PCDHGA7: variants seen among roughly 807,000 people sequenced by gnomAD.
PCDHGA7 encodes the protein protocadherin gamma subfamily A, 7.
In PCDHGA7, 44 loss-of-function variants were observed where a neutral mutation model predicts 58.3. The ratio of observed to expected loss-of-function variants is 0.75; its 90% CI spans 0.59 to 0.97. The LOEUF is 0.97. PCDHGA7 is among the 50% of genes least tolerant of loss of function. The pLI is 0.00. For synonymous variants in PCDHGA7, 516 were observed against 504.2 expected, an observed-to-expected ratio of 1.02 and a Z score of -0.31; for missense variants, 1,266 against 1,188.7, an observed-to-expected ratio of 1.06 and a Z score of -0.96.
In PCDHGA7 at chr5:141,487,161, T is replaced by G; in HGVS notation, c.2425-7646T>G. ...CTCTCTACCTCTGTTACTCTCTTAGTGTCCTTAGAGGAAGACACTCATCCA... is the reference window on the plus strand; with the variant it reads ...CTCTCTACCTCTGTTACTCTCTTAGGGTCCTTAGAGGAAGACACTCATCCA... On this transcript the variant is annotated intron_variant, in intron 1 of 3. Transcript: ENST00000518325. The surrounding 1 kb of genome is among the most constrained non-coding windows in gnomAD (Gnocchi z 5.0). The G allele has an allele frequency of 6.2e-7, 1 of 1,613,528 alleles. No individual in the cohort carries two copies. The highest frequency in any genetic ancestry group is 1.1e-5 in the South Asian group (1 of 91,072).
At chr5:141,414,790 A>G (rs1190584746) in intron 1 of PCDHGA7, 1 of 1,614,226 alleles carries the variant, frequency 6.2e-7, no homozygotes, top group South Asian at 1.1e-5. Context: ...GGTGACAGCC[A>G]GCGACAGCGG....
rs200064261 is a variant in PCDHGA7, at chr5:141,487,515, G to A, written c.2425-7292G>A. 3.7e-5 allele frequency: 59 copies of A among 1,614,018 alleles called. No homozygotes were observed. The highest frequency in any genetic ancestry group is 8.8e-5 in the South Asian group (8 of 91,086). On this transcript the variant is annotated intron_variant, in intron 1 of 3. Coordinates refer to ENST00000518325, the MANE Select transcript of PCDHGA7 (RefSeq NM_018920.4). The surrounding 1 kb of genome is among the most constrained non-coding windows in gnomAD (Gnocchi z 5.0). Reference sequence around the variant, plus strand: ...ACACCCTTGGCTTCTGCACCCACTCGGAGTGATAGCTTCATGATGGTGAAG... The same window carrying A: ...ACACCCTTGGCTTCTGCACCCACTCAGAGTGATAGCTTCATGATGGTGAAG...
At chr5:141,413,117 C>T (rs902301902) in intron 1 of PCDHGA7, 42 of 1,509,002 alleles carry the variant, frequency 2.8e-5, no homozygotes, top group Non-Finnish European at 3.6e-5. Flanking sequence ...ACAAAGGAAC[C>T]GGTTGAAACA....
intron 1 of PCDHGA7, chr5:141,478,480 G>C (rs1444434721): frequency 1.9e-6 from 3 of 1,613,564 alleles, no homozygotes; most frequent in South Asian, 2.2e-5. Flanking sequence ...GCCAGAACAC[G>C]CTGCGGAGCT....
intron 1 of PCDHGA7, among the ~76,000 whole-genome samples, chr5:141,455,407 A>T (rs1273781307): frequency 1.3e-5 from 2 of 152,174 alleles, no homozygotes; most frequent in Non-Finnish European, 2.9e-5. Context: ...TTACAGAGAC[A>T]GAGGGAGCGG....
chr5:141,392,804 CA>C (rs1345839746), intron 1 of PCDHGA7: 1 of 1,573,894 alleles, frequency 6.4e-7, no homozygotes, highest in African/African-American at 1.4e-5. Flanking sequence ...GATTCTGCAG[CA>C]AAACAACAAT....
intron 3 of PCDHGA7, among the ~76,000 whole-genome samples, chr5:141,505,926 G>T (rs114056147): frequency 6.6e-6 from 1 of 152,146 alleles, no homozygotes; most frequent in African/African-American, 2.4e-5. Flanking sequence ...TGGGCCTGGC[G>T]CTTGGAAGCC....
At chr5:141,494,776 C>T in intron 1 of PCDHGA7, 31 bp from the exon 2 acceptor site, 1 of 1,614,100 alleles carries the variant, frequency 6.2e-7, no homozygotes, top group East Asian at 2.2e-5. Context: ...CTCACGGGTA[C>T]TCAGCCCCTT....
intron 1 of PCDHGA7, chr5:141,408,855 G>A: frequency 6.2e-7 from 1 of 1,613,572 alleles, no homozygotes; most frequent in Non-Finnish European, 8.5e-7. Flanking sequence ...TTGGACGGAG[G>A]GGACCCACCA....
At position 141,431,574 on chromosome 5, in the gene PCDHGA7, G is replaced by T. The variant is rs1476143491; in HGVS notation, c.2424+46251G>T. The T allele has an allele frequency of 6.2e-7, 1 of 1,614,196 alleles. No homozygotes were observed. Among genetic ancestry groups the T allele is most frequent in the Admixed American group, 1.7e-5 (1 of 60,034 alleles). On this transcript the variant is annotated intron_variant, in intron 1 of 3. Transcript: ENST00000518325. This position sits in a 1 kb window ranked among gnomAD's most constrained non-coding sequence, Gnocchi z 4.8. The stretch of plus-strand genomic sequence containing the variant: ...GTCAACGCTACCGACCCTGACGAAG[G>T]AGTCAATGCGGAAGTGAGGTATTCC...
At position 141,491,597 on chromosome 5, in the gene PCDHGA7, A is replaced by T. The variant is rs1389838814; in HGVS notation, c.2425-3210A>T. Reference sequence around the variant, plus strand: ...TTTTCACCGGCCTCGGACGGCAGTGACTTCACTTTTCTAAGACCCCTCAGC... The same window carrying T: ...TTTTCACCGGCCTCGGACGGCAGTGTCTTCACTTTTCTAAGACCCCTCAGC... On this transcript the variant is annotated intron_variant, in intron 1 of 3. Coordinates refer to ENST00000518325, the MANE Select transcript of PCDHGA7 (RefSeq NM_018920.4). This position sits in a 1 kb window ranked among gnomAD's most constrained non-coding sequence, Gnocchi z 6.9. 1.2e-6 allele frequency: 2 copies of T among 1,613,788 alleles called. No individual in the cohort carries two copies. The highest frequency in any genetic ancestry group is 1.7e-6 in the Non-Finnish European group (2 of 1,180,012).
chr5:141,428,098 A>C (rs1387848300), intron 1 of PCDHGA7: 1 of 1,608,664 alleles, frequency 6.2e-7, no homozygotes, highest in South Asian at 1.1e-5. Context: ...CTGTCCTACC[A>C]CGTGCTGCAG....
At chr5:141,415,366 G>T in intron 1 of PCDHGA7, 1 of 1,614,252 alleles carries the variant, frequency 6.2e-7, no homozygotes, top group South Asian at 1.1e-5. Flanking sequence ...CCTGCTGCAG[G>T]CTTCAGGAGG....
At chr5:141,385,412 G>T in intron 1 of PCDHGA7, 89 bp downstream of exon 1, 1 of 1,472,506 alleles carries the variant, frequency 6.8e-7, no homozygotes, top group Admixed American at 2.7e-5. Context: ...TTGAAAATAG[G>T]GATTTAAAAA....
At chr5:141,500,723 G>A (rs6875791) in intron 2 of PCDHGA7, among the ~76,000 whole-genome samples, 4,890 of 152,100 alleles carry the variant, frequency 0.032, 255 homozygotes, top group African/African-American at 0.11. Flanking sequence ...ATTTCCCCAT[G>A]TCTTTCAAAA....
chr5:141,427,161 G>A (rs1561826750), intron 1 of PCDHGA7: 1 of 456,698 alleles, frequency 2.2e-6, no homozygotes, highest in Non-Finnish European at 4.4e-6. Flanking sequence ...GTTTGTGCTA[G>A]ACCATCAAAA....
At chr5:141,387,628 G>A (rs2091015052) in intron 1 of PCDHGA7, 1 of 577,308 alleles carries the variant, frequency 1.7e-6, no homozygotes, top group Admixed American at 3.5e-5. Context: ...GCTGACTCTG[G>A]GCGCCGCTGT....
In PCDHGA7 at chr5:141,489,993, C is replaced by T. The variant is rs1413894892; in HGVS notation, c.2425-4814C>T. 18 of 1,614,186 alleles carry T rather than the reference C, an allele frequency of 1.1e-5. No individual in the cohort carries two copies. The highest frequency in any genetic ancestry group is 1.5e-5 in the Non-Finnish European group (18 of 1,179,990). On this transcript the variant is annotated intron_variant, in intron 1 of 3. Transcript: ENST00000518325. The surrounding 1 kb of genome is among the most constrained non-coding windows in gnomAD (Gnocchi z 4.5). ...AATCCTCAGTTCTACGTGTGGGAAT[C>T]CCAGAGAATGCACCCATTGGTACTC...
intron 1 of PCDHGA7, among the ~76,000 whole-genome samples, chr5:141,435,383 G>A (rs1057246190): frequency 6.6e-6 from 1 of 152,016 alleles, no homozygotes; most frequent in South Asian, 2.1e-4. Flanking sequence ...ACAATATACC[G>A]TATTGCCATG....
Sources: allele counts gnomAD v4.1 joint callset (sites outside exome capture counted in the v4.1 genomes callset), GRCh38; gene constraint gnomAD v4.1.1; non-coding constraint Gnocchi (gnomAD v3.1); transcripts MANE v1.5; gene names NCBI Gene and HGNC (gene_info 2026-07-23, HGNC 2026-07-21).